ACOT1: variants seen among roughly 807,000 people sequenced by gnomAD.
ACOT1 encodes acyl-CoA thioesterase 1.
A neutral mutation model predicts 15.7 loss-of-function variants in ACOT1; 8 were observed. The observed-to-expected ratio is 0.51, with a 90% confidence interval of 0.30 to 0.92. ACOT1 has a LOEUF of 0.92. ACOT1 is among the 40% of genes least tolerant of loss of function. ACOT1 has a pLI of 0.06. For synonymous variants in ACOT1, 67 were observed against 241.2 expected (o/e 0.28, Z 6.69); for missense variants, 151 against 539.4 (o/e 0.28, Z 7.13).
chr14:73,503,796 G>A, the ACOT1 span, among the ~76,000 whole-genome samples: 1 of 152,144 alleles, frequency 6.6e-6, no homozygotes, highest in African/African-American at 2.4e-5. Flanking sequence ...GGGTAGCATA[G>A]TGCCTAGTGC....
the ACOT1 span, among the ~76,000 whole-genome samples, chr14:73,506,881 A>G: frequency 7.3e-6 from 1 of 136,724 alleles, no homozygotes; most frequent in Admixed American, 8.4e-5. Flanking sequence ...GCTCACTGCA[A>G]CCTCCGCCTC....
chr14:73,506,674 C>T, the ACOT1 span: 5 of 824,204 alleles, frequency 6.1e-6, no homozygotes, highest in Non-Finnish European at 1.0e-5. Flanking sequence ...TTAATGTCAC[C>T]AGTGGGCTTA....
the ACOT1 span, chr14:73,491,581 C>G: frequency 2.5e-5 from 38 of 1,544,024 alleles, no homozygotes; most frequent in Non-Finnish European, 3.1e-5. Flanking sequence ...TGCGGCGCGT[C>G]TTGGCCGAGC....
the ACOT1 span, chr14:73,491,437 C>G: frequency 7.3e-7 from 1 of 1,361,094 alleles, no homozygotes; most frequent in Non-Finnish European, 9.4e-7. Context: ...CCGCGCCGGT[C>G]CGGGTGGTGG....
At chr14:73,507,408 C>T in the ACOT1 span, among the ~76,000 whole-genome samples, 3 of 152,180 alleles carry the variant, frequency 2.0e-5, no homozygotes, top group Admixed American at 2.0e-4. Flanking sequence ...TCAACCCAAC[C>T]GGCTGCATTT....
At chr14:73,524,304 A>T in the ACOT1 span, among the ~76,000 whole-genome samples, 18 of 93,770 alleles carry the variant, frequency 1.9e-4, no homozygotes, top group Middle Eastern at 6.0e-3. Flanking sequence ...AAAAAAAAAA[A>T]AAAAAAATAT....
chr14:73,513,121 T>C, the ACOT1 span, among the ~76,000 whole-genome samples: 1 of 152,210 alleles, frequency 6.6e-6, no homozygotes, highest in Non-Finnish European at 1.5e-5. Flanking sequence ...TATTTTGTTC[T>C]TCCCTTCATA....
At chr14:73,494,861 A>C in the ACOT1 span, among the ~76,000 whole-genome samples, 1 of 152,156 alleles carries the variant, frequency 6.6e-6, no homozygotes, top group African/African-American at 2.4e-5. Flanking sequence ...ACGCCCAACC[A>C]CCAACCACTA....
chr14:73,492,401 A>G, the ACOT1 span: 5 of 1,613,734 alleles, frequency 3.1e-6, no homozygotes, highest in East Asian at 2.2e-5. The surrounding 1 kb of genome is among the most constrained non-coding windows in gnomAD (Gnocchi z 4.9). Context: ...CATGGATTAC[A>G]TGGGGGCCCA....
the ACOT1 span, among the ~76,000 whole-genome samples, chr14:73,519,349 A>T: frequency 6.6e-6 from 1 of 152,130 alleles, no homozygotes; most frequent in South Asian, 2.1e-4. Context: ...ACAGTGATAA[A>T]TCACTATAGT....
At position 73,537,849 on chromosome 14, in the gene ACOT1, G is replaced by A; in HGVS notation, c.428G>A (p.Arg143Gln). 2 of 1,205,082 alleles carry A rather than the reference G, an allele frequency of 1.7e-6. No homozygotes were observed. Among genetic ancestry groups the A allele is most frequent in the Non-Finnish European group, 2.2e-6 (2 of 921,474 alleles). The allele number at this position is 1,205,082 out of a possible 1,614,324, so 74.6% of individuals were successfully genotyped here. A position where few individuals can be genotyped will look rare whatever the true frequency, so the allele number is the denominator to read the frequency against. ...CGGCGCGAGCCGGTGCGCGCGGGCC[G>A]GGTGCGAGGCACGCTCTTCCTGCCG... ...GVRREPVRAG[R>Q]VRGTLFLPPE... The change falls in exon 1 of 3, where the codon CGG becomes CAG. Residue 143 changes from arginine to glutamine, a missense_variant. Coordinates refer to ENST00000311148, the MANE Select transcript of ACOT1 (RefSeq NM_001037161.2).
At chr14:73,525,808 C>G in the ACOT1 span, among the ~76,000 whole-genome samples, 1 of 152,064 alleles carries the variant, frequency 6.6e-6, no homozygotes, top group Non-Finnish European at 1.5e-5. Context: ...CAAAAATTAG[C>G]TGGGCGTGGT....
At chr14:73,492,210 A>AT in the ACOT1 span, 1 of 1,613,806 alleles carries the variant, frequency 6.2e-7, no homozygotes, top group South Asian at 1.1e-5. This position sits in a 1 kb window ranked among gnomAD's most constrained non-coding sequence, Gnocchi z 4.9. Flanking sequence ...GATTTGCTGT[A>AT]TTTTCCTCGG....
chr14:73,542,608 AT>A (rs1889125850), intron 2 of ACOT1, among the ~76,000 whole-genome samples: 1 of 100,274 alleles, frequency 1.0e-5, no homozygotes, highest in Non-Finnish European at 2.1e-5. Flanking sequence ...GTTTCACCAT[AT>A]TGGCCAGGCT....
chr14:73,536,377 C>T (rs1202991534), upstream of ACOT1, among the ~76,000 whole-genome samples: 9 of 110,154 alleles, frequency 8.2e-5, 1 homozygote, highest in African/African-American at 2.7e-4. Flanking sequence ...GCATGGGGAG[C>T]GCCGGTAGTC....
chr14:73,495,501 T>C, the ACOT1 span: 1 of 835,148 alleles, frequency 1.2e-6, no homozygotes, highest in Non-Finnish European at 1.8e-6. Context: ...GAGGATCACT[T>C]GAGCCCAACA....
the ACOT1 span, chr14:73,492,099 GA>G: frequency 1.9e-6 from 3 of 1,613,882 alleles, no homozygotes; most frequent in Non-Finnish European, 2.5e-6. This position sits in a 1 kb window ranked among gnomAD's most constrained non-coding sequence, Gnocchi z 4.9. Flanking sequence ...CGTGTATACC[GA>G]CCCCGAGTCC....
the ACOT1 span, among the ~76,000 whole-genome samples, chr14:73,501,223 A>G: frequency 1.3e-5 from 2 of 151,730 alleles, no homozygotes; most frequent in Non-Finnish European, 2.9e-5. Context: ...GGTTCACGCC[A>G]TTCTCCTGCC....
the ACOT1 span, among the ~76,000 whole-genome samples, chr14:73,528,067 A>C: frequency 6.6e-6 from 1 of 152,030 alleles, no homozygotes. Flanking sequence ...AACATCCCAG[A>C]AAGAATACCA....
Sources: gnomAD v4.1 joint callset for allele counts (sites outside exome capture counted in the v4.1 genomes callset) on GRCh38, gnomAD v4.1.1 for gene constraint, Gnocchi (gnomAD v3.1) non-coding constraint, MANE v1.5 for transcripts, NCBI Gene and HGNC (gene_info 2026-07-23, HGNC 2026-07-21) for gene names.